Variants in SCAPER observed in about 807,000 individuals in gnomAD.
SCAPER encodes the protein S phase cyclin A-associated protein in the endoplasmic reticulum.
A neutral mutation model predicts 182.2 loss-of-function variants in SCAPER; 98 were observed. That is an observed-to-expected ratio of 0.54 (90% CI 0.46 to 0.64). SCAPER has a LOEUF of 0.64. Ranked by LOEUF, SCAPER falls within the 30% of genes least tolerant of loss-of-function variation. SCAPER has a pLI of 0.00. For synonymous variants in SCAPER, 605 were observed against 564.6 expected (o/e 1.07, Z -1.01); for missense variants, 1,432 against 1,690.0 (o/e 0.85, Z 2.68).
chr15:76,699,888 C>A (rs546224753), intron 20 of SCAPER, among the ~76,000 whole-genome samples: 2 of 152,152 alleles, frequency 1.3e-5, no homozygotes, highest in Admixed American at 6.5e-5. Flanking sequence ...GCAATGGCAA[C>A]GGAGTCCATA....
chr15:76,488,496 G>A (rs983107295), intron 24 of SCAPER, among the ~76,000 whole-genome samples: 5 of 151,982 alleles, frequency 3.3e-5, no homozygotes, highest in African/African-American at 1.2e-4. Context: ...AACATGGTCA[G>A]AACATGCCAT....
In SCAPER at chr15:76,795,295, C is replaced by T. The variant is rs1357110260; in HGVS notation, c.757G>A (p.Ala253Thr). The part of the protein sequence containing the change: ...QSCPPMTVQK[A>T]SRKNERKDAE... Reference sequence around the variant, plus strand: ...AGTCACTTGCCATTTTTGCGTGAGGCCTTCTGCACTGTCATTGGTGGGCAA... The same window carrying T: ...AGTCACTTGCCATTTTTGCGTGAGGTCTTCTGCACTGTCATTGGTGGGCAA... The change falls in exon 8 of 32, where the codon GCC (alanine) becomes ACC (threonine). Residue 253 changes from alanine (A) to threonine (T), a missense_variant. Ala to Thr is a moderately conservative substitution (Grantham distance 58, BLOSUM62 0). This residue lies in a region of SCAPER where 480 missense variants were observed against 510.2 expected (regional missense o/e 0.94). Coordinates refer to ENST00000563290, the MANE Select transcript of SCAPER (RefSeq NM_020843.4). The T allele has an allele frequency of 1.2e-6, 2 of 1,609,210 alleles. No individual in the cohort carries two copies. The highest frequency in any genetic ancestry group is 1.1e-5 in the South Asian group (1 of 90,306).
At chr15:76,640,516 T>G (rs113327973) in intron 21 of SCAPER, among the ~76,000 whole-genome samples, 3 of 152,352 alleles carry the variant, frequency 2.0e-5, no homozygotes, top group African/African-American at 4.8e-5. Flanking sequence ...ATGGTATCTC[T>G]AAGGGGTTAT....
In SCAPER at chr15:76,810,370, A is replaced by G. The variant is rs955522366; in HGVS notation, c.394-5737T>C. On this transcript the variant is annotated intron_variant, in intron 5 of 31. Transcript: ENST00000563290. ...ATACTATTTATAATGTGGGAGCAAG[A>G]GACATAAAAGGAGAGACTTCTTGAA... Among the ~76,000 whole-genome samples the G allele has an allele frequency of 9.2e-5, 14 of 152,108 alleles. No individual in the cohort carries two copies. In the East Asian group the frequency reaches 2.5e-3, roughly 27 times the overall value.
intron 2 of SCAPER, among the ~76,000 whole-genome samples, chr15:76,878,793 G>A (rs184855403): frequency 6.6e-6 from 1 of 152,020 alleles, no homozygotes; most frequent in African/African-American, 2.4e-5. Flanking sequence ...AGAGGAAGAG[G>A]AAGAAGAAGA....
intron 31 of SCAPER, chr15:76,350,081 T>C (rs910440712): frequency 1.3e-5 from 2 of 152,206 alleles, no homozygotes; most frequent in African/African-American, 2.4e-5. Context: ...CACATTTTGC[T>C]GATTTCTCCC....
At chr15:76,881,214 G>A (rs2073513411) in intron 2 of SCAPER, among the ~76,000 whole-genome samples, 1 of 152,200 alleles carries the variant, frequency 6.6e-6, no homozygotes, top group African/African-American at 2.4e-5. Flanking sequence ...TCATGCCTCA[G>A]CCTCTCATGT....
chr15:76,789,198 A>G (rs2064831376), intron 8 of SCAPER, among the ~76,000 whole-genome samples: 1 of 152,192 alleles, frequency 6.6e-6, no homozygotes, highest in South Asian at 2.1e-4. Flanking sequence ...CAGCACATAT[A>G]ATACATTTAT....
intron 24 of SCAPER, among the ~76,000 whole-genome samples, chr15:76,497,989 CAAAAAAAAAAAAAAAAA>C (rs747096625): frequency 1.7e-5 from 1 of 58,322 alleles, no homozygotes; most frequent in Non-Finnish European, 3.0e-5. Flanking sequence ...GACTCCGTCT[CAAAAAAAAAAAAAAAAA>C]AAAAAAAAAA....
rs777027287 is a variant in SCAPER at position 76,878,245 on chromosome 15, T to C, written c.6+5567A>G. On this transcript the variant is annotated intron_variant, in intron 2 of 31. Coordinates refer to ENST00000563290, the MANE Select transcript of SCAPER (RefSeq NM_020843.4). ...GGATGTATGTATATTTACAGACACG[T>C]GTGTTTCATACACACAAAGAGAGAA... Among the ~76,000 whole-genome samples the C allele has an allele frequency of 9.9e-5, 15 of 151,858 alleles. 1 individual carries two copies. Among genetic ancestry groups the C allele is most frequent in the African/African-American group, 2.9e-4 (12 of 41,338 alleles).
chr15:76,768,225 G>T (rs1419106077), intron 10 of SCAPER, among the ~76,000 whole-genome samples: 1 of 152,038 alleles, frequency 6.6e-6, no homozygotes, highest in African/African-American at 2.4e-5. Context: ...AATAAAAAAT[G>T]TGCCCACACA....
chr15:76,496,403 C>A (rs2143562838), intron 24 of SCAPER, among the ~76,000 whole-genome samples: 1 of 152,120 alleles, frequency 6.6e-6, no homozygotes. Context: ...GACACTAAGT[C>A]CCCCTAGAAA....
At chr15:76,627,721 C>CT (rs1236318982) in intron 21 of SCAPER, among the ~76,000 whole-genome samples, 1 of 152,064 alleles carries the variant, frequency 6.6e-6, no homozygotes, top group Admixed American at 6.6e-5. Flanking sequence ...GATTCCATGT[C>CT]TTTTTTATTG....
At chr15:76,471,436 G>GA in intron 24 of SCAPER, 101 bp from the exon 25 acceptor site, 1 of 1,326,576 alleles carries the variant, frequency 7.5e-7, no homozygotes, top group Non-Finnish European at 9.9e-7. Context: ...ACAGGCATGA[G>GA]ATGGAAGTCA....
intron 20 of SCAPER, among the ~76,000 whole-genome samples, chr15:76,699,077 C>T (rs1205241586): frequency 3.9e-5 from 6 of 152,098 alleles, no homozygotes; most frequent in Non-Finnish European, 5.9e-5. Context: ...GATGTTGTTG[C>T]TGTGTAGAAA....
At chr15:76,365,178 G>A (rs1247598483) in intron 29 of SCAPER, among the ~76,000 whole-genome samples, 1 of 152,172 alleles carries the variant, frequency 6.6e-6, no homozygotes, top group Non-Finnish European at 1.5e-5. Context: ...CCCTGGCTGT[G>A]GATGTCACAA....
intron 4 of SCAPER, among the ~76,000 whole-genome samples, chr15:76,845,579 G>GA (rs534898242): frequency 3.0e-4 from 43 of 144,180 alleles, no homozygotes; most frequent in East Asian, 1.0e-3. Flanking sequence ...TGAACAATCT[G>GA]AAAAAAAAAA....
chr15:76,589,791 T>A (rs923441309), intron 22 of SCAPER, among the ~76,000 whole-genome samples: 1 of 152,166 alleles, frequency 6.6e-6, no homozygotes, highest in Non-Finnish European at 1.5e-5. Flanking sequence ...GGCAGCCCTC[T>A]GGAAGGACCC....
chr15:76,841,970 A>C (rs769560688), intron 4 of SCAPER, 39 bp from the exon 5 acceptor site: 5 of 1,553,428 alleles, frequency 3.2e-6, no homozygotes, highest in Non-Finnish European at 4.4e-6. Flanking sequence ...AAATAAATAA[A>C]AGGGCTTCCA....
Sources: allele counts gnomAD v4.1 joint callset (sites outside exome capture counted in the v4.1 genomes callset), GRCh38; gene constraint gnomAD v4.1.1; regional missense constraint gnomAD v4.1.1; transcripts MANE v1.5; gene names NCBI Gene and HGNC (gene_info 2026-07-23, HGNC 2026-07-21).